DGKB: variants seen among roughly 807,000 people sequenced by gnomAD.
The protein encoded by DGKB is 90 kDa diacylglycerol kinase.
A neutral mutation model predicts 114.3 loss-of-function variants in DGKB; 67 were observed. The observed-to-expected ratio is 0.59, with a 90% CI of 0.48 to 0.72. DGKB has a LOEUF of 0.72. DGKB is among the 30% of genes least tolerant of loss of function. The pLI, the probability that DGKB is intolerant of heterozygous loss-of-function variation, is 0.00. For synonymous variants in DGKB, 398 were observed against 323.1 expected (o/e 1.23, Z -2.49); for missense variants, 907 against 975.2 (o/e 0.93, Z 0.93).
chr7:14,829,690 C>T (rs898207193), intron 2 of DGKB, among the ~76,000 whole-genome samples: 1 of 152,050 alleles, frequency 6.6e-6, no homozygotes, highest in African/African-American at 2.4e-5. Context: ...CTTGTTTGAT[C>T]ATACTGTAGA....
At chr7:14,576,353 T>C (rs1799115262) in intron 19 of DGKB, among the ~76,000 whole-genome samples, 1 of 151,892 alleles carries the variant, frequency 6.6e-6, no homozygotes, top group South Asian at 2.1e-4. Context: ...TAATTTCTAA[T>C]TGTTAATTTC....
At chr7:14,616,161 T>A (rs118182061) in intron 15 of DGKB, among the ~76,000 whole-genome samples, 2,393 of 149,398 alleles carry the variant, frequency 0.016, 23 homozygotes, top group Middle Eastern at 0.046. Flanking sequence ...TACATTAGTA[T>A]TTCCTACATA....
intron 5 of DGKB, among the ~76,000 whole-genome samples, chr7:14,729,357 T>C (rs4281020): frequency 1 from 151,243 of 151,826 alleles, 75,332 homozygotes; most frequent in Middle Eastern, 1. Context: ...CTCCTGACCT[T>C]GTGATTCGCC....
At chr7:14,765,776 A>C (rs1354218984) in intron 2 of DGKB, among the ~76,000 whole-genome samples, 1 of 151,982 alleles carries the variant, frequency 6.6e-6, no homozygotes, top group Non-Finnish European at 1.5e-5. Flanking sequence ...ACTATAACTA[A>C]AAACTTCTAT....
intron 25 of DGKB, among the ~76,000 whole-genome samples, chr7:14,157,347 A>T (rs1209299440): frequency 2.0e-5 from 3 of 149,016 alleles, no homozygotes; most frequent in African/African-American, 7.4e-5. Flanking sequence ...GCAATGAAAC[A>T]TAACAATTTT....
chr7:14,638,632 T>TA (rs1811181225), intron 13 of DGKB, among the ~76,000 whole-genome samples: 1 of 152,074 alleles, frequency 6.6e-6, no homozygotes, highest in African/African-American at 2.4e-5. Context: ...GTGATAAGAA[T>TA]AATGGGGGTG....
intron 19 of DGKB, among the ~76,000 whole-genome samples, chr7:14,575,179 A>C (rs1421694300): frequency 1.3e-5 from 2 of 152,186 alleles, no homozygotes; most frequent in Non-Finnish European, 2.9e-5. Flanking sequence ...CTTTCTGGAA[A>C]GCACCCTTTC....
chr7:14,748,162 A>T (rs1432735009), intron 4 of DGKB, among the ~76,000 whole-genome samples: 2 of 152,210 alleles, frequency 1.3e-5, no homozygotes, highest in Non-Finnish European at 2.9e-5. Context: ...CCCACTCTGC[A>T]CCAGGCTCTG....
At position 14,153,701 on chromosome 7, in the gene DGKB, T is replaced by C. The variant is rs375722335; in HGVS notation, c.2305-4463A>G. Reference sequence around the variant, plus strand: ...CCTGCCTAGCTTAAATCACACATTATTGTAAAATTTCAAAGTGAAGGGATA... The same window carrying C: ...CCTGCCTAGCTTAAATCACACATTACTGTAAAATTTCAAAGTGAAGGGATA... On this transcript the variant is annotated intron_variant, in intron 25 of 25. Transcript: ENST00000402815. Among the ~76,000 whole-genome samples, 421 of 152,088 alleles carry C rather than the reference T, an allele frequency of 2.8e-3. 22 individuals are homozygous for C. In the South Asian group the frequency reaches 0.082, roughly 30 times the overall value.
intron 21 of DGKB, among the ~76,000 whole-genome samples, chr7:14,465,055 G>A (rs560104502): frequency 6.6e-6 from 1 of 152,262 alleles, no homozygotes; most frequent in African/African-American, 2.4e-5. Flanking sequence ...ACATGGGTAT[G>A]AGAAGAATAC....
intron 23 of DGKB, among the ~76,000 whole-genome samples, chr7:14,294,531 T>G (rs1280474874): frequency 6.6e-6 from 1 of 152,226 alleles, no homozygotes; most frequent in Non-Finnish European, 1.5e-5. Context: ...GTTGGAATAT[T>G]GCAAACAGTA....
chr7:14,460,751 G>A (rs1832961753), intron 21 of DGKB, among the ~76,000 whole-genome samples: 1 of 152,018 alleles, frequency 6.6e-6, no homozygotes, highest in African/African-American at 2.4e-5. Flanking sequence ...CAGACCAAGT[G>A]GACCTAATAG....
rs564866735 is a variant in DGKB, at chr7:14,851,790, C to T, written c.-187-10340G>A. Among the ~76,000 whole-genome samples, 15 of 152,278 alleles carry T rather than the reference C, an allele frequency of 9.9e-5. 1 individual carries two copies. The South Asian group carries it at 2.9e-3, about 29-fold the overall frequency. On this transcript the variant is annotated intron_variant, in intron 1 of 25. Transcript: ENST00000402815. ...CTCAAAGTAGCTCATGTGAAGAGAT[C>T]ACTTGAAGAAGCCATGTATAAGTGT...
At chr7:14,232,652 CA>C (rs1792091101) in intron 23 of DGKB, among the ~76,000 whole-genome samples, 1 of 151,882 alleles carries the variant, frequency 6.6e-6, no homozygotes, top group African/African-American at 2.4e-5. Context: ...ATCCCTAATT[CA>C]GAAAGCAAAA....
At chr7:14,316,775 C>T (rs1219709876) in intron 23 of DGKB, among the ~76,000 whole-genome samples, 1 of 151,624 alleles carries the variant, frequency 6.6e-6, no homozygotes, top group Non-Finnish European at 1.5e-5. Context: ...TCCTCCCTAA[C>T]TCATTTGATG....
At chr7:14,743,258 T>C (rs572544915) in intron 4 of DGKB, among the ~76,000 whole-genome samples, 49 of 152,260 alleles carry the variant, frequency 3.2e-4, no homozygotes, top group Middle Eastern at 6.8e-3. Context: ...GTAATATTAA[T>C]GAATAATGAA....
chr7:14,910,356 A>G (rs1297972123), intron 1 of DGKB, among the ~76,000 whole-genome samples: 1 of 152,022 alleles, frequency 6.6e-6, no homozygotes, highest in Non-Finnish European at 1.5e-5. Context: ...AAACAAAACA[A>G]AACAAAACAA....
intron 23 of DGKB, among the ~76,000 whole-genome samples, chr7:14,198,060 CTT>C (rs560727766): frequency 1.2e-3 from 188 of 152,168 alleles, no homozygotes; most frequent in African/African-American, 4.0e-3. Context: ...CTTCACATCT[CTT>C]CAGTTCTTTC....
chr7:14,627,676 G>T (rs779589629), intron 14 of DGKB, among the ~76,000 whole-genome samples: 3 of 151,776 alleles, frequency 2.0e-5, no homozygotes, highest in Non-Finnish European at 4.4e-5. Flanking sequence ...AGGCGCGGTG[G>T]CTCACACCTG....
Sources: gnomAD v4.1 joint callset for allele counts (sites outside exome capture counted in the v4.1 genomes callset) on GRCh38, gnomAD v4.1.1 for gene constraint, MANE v1.5 for transcripts, NCBI Gene and HGNC (gene_info 2026-07-23, HGNC 2026-07-21) for gene names.